Variants in TOP3A observed in about 807,000 individuals in gnomAD.
The protein encoded by TOP3A is DNA topoisomerase III alpha, also known as DNA topoisomerase 3-alpha.
TOP3A carries 64 observed loss-of-function variants against 111.3 expected under a neutral mutation model. That is an observed-to-expected ratio of 0.57 (90% CI 0.47 to 0.71). TOP3A has a LOEUF of 0.71. TOP3A is among the 30% of genes least tolerant of loss of function. The pLI, the probability that TOP3A is intolerant of heterozygous loss-of-function variation, is 0.00. For synonymous variants in TOP3A, 484 were observed against 485.1 expected (o/e 1.00, Z 0.03); for missense variants, 1,104 against 1,285.0 (o/e 0.86, Z 2.15).
chr17:18,307,048 G>A, intron 3 of TOP3A, 82 bp from the exon 4 acceptor site: 1 of 982,510 alleles, frequency 1.0e-6, no homozygotes, highest in Non-Finnish European at 1.6e-6. Context: ...CTGTTCCAAT[G>A]GGTTCATGGT....
chr17:18,304,353 C>A (rs1408563737), intron 5 of TOP3A, among the ~76,000 whole-genome samples: 1 of 152,200 alleles, frequency 6.6e-6, no homozygotes, highest in Non-Finnish European at 1.5e-5. Flanking sequence ...AGGGGAATTT[C>A]ATGTCCCTTC....
rs780792704 is a variant in TOP3A at position 18,292,650 on chromosome 17, A to C, written c.1276T>G (p.Leu426Val). 4 of 1,562,200 alleles carry C rather than the reference A, an allele frequency of 2.6e-6. No homozygotes were observed. Among genetic ancestry groups the C allele is most frequent in the South Asian group, 1.2e-5 (1 of 84,750 alleles). Residue 426 changes from leucine (L) to valine (V), a missense_variant, in exon 11 of 19, where the codon TTA (leucine) becomes GTA (valine). By Grantham distance (32) the Leu-to-Val change is conservative. Transcript: ENST00000321105. Reference sequence around the variant, plus strand: ...GTACATTCAGGGAAACCAACCTGTAAGTTGTTGGTGTATTTGGTGGGGTGA... The same window carrying C: ...GTACATTCAGGGAAACCAACCTGTACGTTGTTGGTGTATTTGGTGGGGTGA... Reference protein sequence around the residue: ...PIHPTKYTNNLQGDEQRLYEF... With the variant: ...PIHPTKYTNNVQGDEQRLYEF...
chr17:18,281,897 C>T (rs970337161), intron 16 of TOP3A, among the ~76,000 whole-genome samples: 2 of 152,220 alleles, frequency 1.3e-5, no homozygotes, highest in Admixed American at 1.3e-4. Context: ...AAGCAAGCAC[C>T]TCAGCCCTCT....
chr17:18,279,248 A>G (rs1184755738), intron 17 of TOP3A, among the ~76,000 whole-genome samples: 2 of 152,154 alleles, frequency 1.3e-5, no homozygotes, highest in Non-Finnish European at 2.9e-5. Context: ...CATTTACTAG[A>G]AATAAATTAT....
chr17:18,309,040 G>C, intron 1 of TOP3A, 99 bp from the exon 2 acceptor site: 1 of 625,298 alleles, frequency 1.6e-6, no homozygotes, highest in Non-Finnish European at 2.6e-6. Flanking sequence ...TGATTTCTTG[G>C]TTATGATACC....
intron 1 of TOP3A, 120 bp from the exon 2 acceptor site, chr17:18,309,061 C>A: frequency 1.9e-6 from 1 of 523,834 alleles, no homozygotes; most frequent in Non-Finnish European, 3.3e-6. Flanking sequence ...AAAAATATAA[C>A]CAACATTGCT....
chr17:18,297,570 G>A (rs1028376632), intron 9 of TOP3A, among the ~76,000 whole-genome samples: 6 of 152,346 alleles, frequency 3.9e-5, no homozygotes, highest in Admixed American at 2.0e-4. Flanking sequence ...TTGCAGGCGC[G>A]CGCCGCCACA....
Position 18,278,295 on chromosome 17 carries a change from C to T in TOP3A, c.2207G>A (p.Cys736Tyr), listed in dbSNP as rs756965855. 41 of 1,524,316 alleles carry T rather than the reference C, an allele frequency of 2.7e-5. No homozygotes were observed. The highest frequency in any genetic ancestry group is 3.4e-5 in the Non-Finnish European group (39 of 1,136,276). The allele number at this position is 1,524,316 out of a possible 1,614,324, so 94.4% of individuals were successfully genotyped here. A position where few individuals can be genotyped will look rare whatever the true frequency, so the allele number is the denominator to read the frequency against. The change falls in exon 18 of 19, where the codon TGC (cysteine) becomes TAC (tyrosine). Residue 736 changes from cysteine to tyrosine, a missense_variant. Cys to Tyr is a radical substitution (Grantham distance 194). Transcript: ENST00000321105. ...PPTMPLEFVC[C>Y]IGGCDDTLRE... is the part of the protein sequence containing the mutation. ...CAGGGTGTCGTCGCATCCGCCGATG[C>T]AGCAAACAAACTCCAGAGGCATGGT...
Position 18,299,572 on chromosome 17 carries a change from G to A in TOP3A, c.977C>T (p.Ala326Val), listed in dbSNP as rs779186864. The change falls in exon 9 of 19, where the codon GCC becomes GTC. Residue 326 changes from alanine to valine, a missense_variant. Ala to Val is a moderately conservative substitution (Grantham distance 64). Coordinates refer to ENST00000321105, the MANE Select transcript of TOP3A (RefSeq NM_004618.5). ...SKPKSKWRPQ[A>V]LDTVELEKLA... is the part of the protein sequence containing the mutation. Reference sequence around the variant, plus strand: ...TCTGGAACATACCACAGTGTCCAAGGCTTGAGGCCGCCACTTGCTCTTGGG... The same window carrying A: ...TCTGGAACATACCACAGTGTCCAAGACTTGAGGCCGCCACTTGCTCTTGGG... The A allele has an allele frequency of 6.2e-7, 1 of 1,613,996 alleles. No homozygotes were observed. The highest frequency in any genetic ancestry group is 1.1e-5 in the South Asian group (1 of 91,076).
chr17:18,311,417 G>A (rs1391627283), intron 1 of TOP3A, among the ~76,000 whole-genome samples: 5 of 151,944 alleles, frequency 3.3e-5, no homozygotes, highest in Non-Finnish European at 7.4e-5. Flanking sequence ...CCTCAGCCTC[G>A]TGAGTAGCTG....
rs924643223 is a variant in TOP3A at position 18,274,602 on chromosome 17, G to A, written c.*200C>T. ...TGGTCACTCCTGAGGCCTGGGAAGA[G>A]GGTCACTGTCCAGCAGAGCTGGCCT... On this transcript the variant is annotated 3_prime_UTR_variant, in exon 19 of 19. Coordinates refer to ENST00000321105, the MANE Select transcript of TOP3A (RefSeq NM_004618.5). The A allele has an allele frequency of 1.2e-6, 1 of 835,758 alleles. No individual in the cohort carries two copies. Among genetic ancestry groups the A allele is most frequent in the Non-Finnish European group, 1.7e-6 (1 of 578,744 alleles). The allele number at this position is 835,758 out of a possible 1,614,324, so 51.8% of individuals were successfully genotyped here.
intron 9 of TOP3A, among the ~76,000 whole-genome samples, chr17:18,297,877 G>A (rs1158001402): frequency 1.3e-5 from 2 of 152,066 alleles, no homozygotes; most frequent in African/African-American, 4.8e-5. Context: ...TCTCTGCCCA[G>A]CCGCCCATCG....
At chr17:18,287,593 G>A (rs1016153891) in intron 13 of TOP3A, among the ~76,000 whole-genome samples, 1 of 152,128 alleles carries the variant, frequency 6.6e-6, no homozygotes, top group Non-Finnish European at 1.5e-5. Context: ...ACACATGCCT[G>A]TAGTCCCAGC....
At chr17:18,305,284 T>G in intron 4 of TOP3A, 64 bp from the exon 5 acceptor site, 55 of 1,309,256 alleles carry the variant, frequency 4.2e-5, no homozygotes, top group Non-Finnish European at 5.3e-5. Flanking sequence ...TTGACATCTC[T>G]AAGCTAAGGG....
chr17:18,280,631 T>TG lies in TOP3A; in HGVS notation c.2048dup (p.Glu684ArgfsTer10). 6.2e-7 allele frequency: 1 copy of TG among 1,614,138 alleles called. No individual in the cohort carries two copies. The highest frequency in any genetic ancestry group is 8.5e-7 in the Non-Finnish European group (1 of 1,179,992). Reference sequence around the variant, plus strand: ...GAAGCCACACAGCTGAGCGACACTCTGGGAAACCCATGCAGCTGAGGTAGA... The same window carrying TG: ...GAAGCCACACAGCTGAGCGACACTCTGGGGAAACCCATGCAGCTGAGGTAGA... On this transcript the variant is annotated frameshift_variant, in exon 17 of 19. Transcript: ENST00000321105. LOFTEE classifies it high-confidence loss of function.
intron 10 of TOP3A, among the ~76,000 whole-genome samples, chr17:18,293,073 C>T (rs1980579963): frequency 6.6e-6 from 1 of 152,180 alleles, no homozygotes; most frequent in Admixed American, 6.5e-5. Context: ...TCAAAGAAGC[C>T]AAAAGGGGCA....
chr17:18,282,934 G>A, intron 15 of TOP3A, 93 bp from the exon 16 acceptor site: 1 of 1,519,850 alleles, frequency 6.6e-7, no homozygotes, highest in South Asian at 1.2e-5. Flanking sequence ...GCGTGACCTT[G>A]AGAACCAGCT....
intron 3 of TOP3A, 93 bp from the exon 4 acceptor site, chr17:18,307,059 G>A (rs1204844345): frequency 2.8e-5 from 24 of 851,668 alleles, no homozygotes; most frequent in Non-Finnish European, 3.9e-5. Context: ...GGTTCATGGT[G>A]TATCCCCAAA....
chr17:18,308,487 T>C (rs1031874916), intron 2 of TOP3A, 63 bp from the exon 3 acceptor site: 4 of 1,154,208 alleles, frequency 3.5e-6, no homozygotes, highest in Non-Finnish European at 5.1e-6. Context: ...TGCCAAATCA[T>C]TAAAATGAGA....
Sources: gnomAD v4.1 joint callset for allele counts (sites outside exome capture counted in the v4.1 genomes callset) on GRCh38, gnomAD v4.1.1 for gene constraint, MANE v1.5 for transcripts, NCBI Gene and HGNC (gene_info 2026-07-23, HGNC 2026-07-21) for gene names.